Variants in EPB41L4A observed in about 807,000 individuals in gnomAD.
EPB41L4A encodes erythrocyte membrane protein band 4.1 like 4A, also known as band 4.1-like protein 4A.
EPB41L4A carries 100 observed loss-of-function variants against 108.6 expected under a neutral mutation model. That is an observed-to-expected ratio of 0.92 (90% CI 0.78 to 1.09). EPB41L4A has a LOEUF of 1.09. Ranked by LOEUF, EPB41L4A falls within the 50% of genes least tolerant of loss-of-function variation. The probability of loss-of-function intolerance (pLI) is 0.00; values close to 1 mark genes in which losing one functional copy is unlikely to be tolerated. For synonymous variants in EPB41L4A, 319 were observed against 289.0 expected, an observed-to-expected ratio of 1.10 and a Z score of -1.05; for missense variants, 1,030 against 842.7, an observed-to-expected ratio of 1.22 and a Z score of -2.75.
intron 1 of EPB41L4A, among the ~76,000 whole-genome samples, chr5:112,374,368 G>C (rs1759678445): frequency 6.6e-6 from 1 of 152,134 alleles, no homozygotes. Context: ...AGATCAAAAA[G>C]AAGAGCAAAA....
intron 1 of EPB41L4A, among the ~76,000 whole-genome samples, chr5:112,360,535 G>A (rs1031556218): frequency 6.6e-6 from 1 of 152,204 alleles, no homozygotes; most frequent in Non-Finnish European, 1.5e-5. Flanking sequence ...TCGGCCTCCC[G>A]AGGTGCCGGG....
chr5:112,156,960 C>T (rs1436263422), intron 12 of EPB41L4A, among the ~76,000 whole-genome samples: 13 of 152,032 alleles, frequency 8.6e-5, no homozygotes, highest in Admixed American at 7.9e-4. Context: ...CAGTAATAGC[C>T]AAGACTTCCC....
intron 1 of EPB41L4A, among the ~76,000 whole-genome samples, chr5:112,352,214 T>C (rs1435923245): frequency 6.6e-6 from 1 of 152,252 alleles, no homozygotes; most frequent in Non-Finnish European, 1.5e-5. Context: ...AAATACATCA[T>C]TAGGTTATAT....
intron 9 of EPB41L4A, among the ~76,000 whole-genome samples, chr5:112,258,188 A>G (rs1751242864): frequency 6.6e-6 from 1 of 152,250 alleles, no homozygotes; most frequent in Admixed American, 6.5e-5. Flanking sequence ...GAGAACAAAG[A>G]GTAGCATCAG....
intron 1 of EPB41L4A, among the ~76,000 whole-genome samples, chr5:112,376,297 T>C (rs1291742057): frequency 3.3e-5 from 5 of 152,288 alleles, no homozygotes; most frequent in African/African-American, 1.2e-4. Flanking sequence ...AATTAGCCAT[T>C]AGGGAAATGA....
chr5:112,237,413 GAC>G (rs774079943), intron 11 of EPB41L4A, among the ~76,000 whole-genome samples: 16 of 152,176 alleles, frequency 1.1e-4, no homozygotes, highest in Non-Finnish European at 2.4e-4. Flanking sequence ...TAAAATGCAA[GAC>G]AGAGTAAAGA....
chr5:112,379,767 T>C (rs974829599), intron 1 of EPB41L4A, among the ~76,000 whole-genome samples: 1 of 152,152 alleles, frequency 6.6e-6, no homozygotes, highest in Non-Finnish European at 1.5e-5. Context: ...GCACAATACA[T>C]TCCCTAGCAG....
chr5:112,275,281 A>AC, intron 4 of EPB41L4A, 45 bp downstream of exon 4: 1 of 1,500,676 alleles, frequency 6.7e-7, no homozygotes, highest in African/African-American at 1.4e-5. Flanking sequence ...AGCTTTTTGT[A>AC]TATGCAATGC....
At chr5:112,382,950 A>T (rs1760267621) in intron 1 of EPB41L4A, among the ~76,000 whole-genome samples, 1 of 152,230 alleles carries the variant, frequency 6.6e-6, no homozygotes, top group Non-Finnish European at 1.5e-5. Flanking sequence ...TGGAAAAGGA[A>T]AAATGCTTCG....
chr5:112,364,905 C>T (rs1023388732), intron 1 of EPB41L4A, among the ~76,000 whole-genome samples: 1 of 152,054 alleles, frequency 6.6e-6, no homozygotes. Context: ...ATTACATATA[C>T]CCTTATATTC....
chr5:112,231,668 C>G (rs1175293491), intron 12 of EPB41L4A, among the ~76,000 whole-genome samples: 1 of 150,858 alleles, frequency 6.6e-6, no homozygotes, highest in East Asian at 2.0e-4. Context: ...GCCTGTAGTC[C>G]CAGCTACTCG....
At chr5:112,156,370 C>T (rs1422934531) in intron 12 of EPB41L4A, among the ~76,000 whole-genome samples, 2 of 152,078 alleles carry the variant, frequency 1.3e-5, no homozygotes, top group South Asian at 2.1e-4. Context: ...CCAAGAAGGC[C>T]AGTGGTATAG....
intron 1 of EPB41L4A, among the ~76,000 whole-genome samples, chr5:112,317,170 C>T (rs1478110709): frequency 1.3e-5 from 2 of 152,132 alleles, no homozygotes. Context: ...CCTACCACAT[C>T]TTTTTTTTCT....
chr5:112,214,230 C>T (rs1475010912), intron 12 of EPB41L4A, among the ~76,000 whole-genome samples: 1 of 152,138 alleles, frequency 6.6e-6, no homozygotes, highest in Non-Finnish European at 1.5e-5. Context: ...TTATGTACCA[C>T]AGAACAGTTC....
chr5:112,307,930 A>T (rs894015917), intron 1 of EPB41L4A, among the ~76,000 whole-genome samples: 4 of 152,188 alleles, frequency 2.6e-5, no homozygotes, highest in South Asian at 4.1e-4. Flanking sequence ...TATAAAACTA[A>T]CAATAGTCAA....
chr5:112,411,743 A>C (rs771578189), intron 1 of EPB41L4A, among the ~76,000 whole-genome samples: 12 of 152,104 alleles, frequency 7.9e-5, no homozygotes, highest in Non-Finnish European at 1.5e-4. Context: ...ACCATACAGC[A>C]CTCCCATTAG....
intron 1 of EPB41L4A, among the ~76,000 whole-genome samples, chr5:112,409,560 A>C (rs1762292733): frequency 6.6e-6 from 1 of 152,216 alleles, no homozygotes; most frequent in Non-Finnish European, 1.5e-5. Context: ...TACCAAGAAC[A>C]CCTAGAAAAC....
rs143487710 is a variant in EPB41L4A, at chr5:112,198,919, A to G, written c.1377-3211T>C. Among the ~76,000 whole-genome samples the G allele has an allele frequency of 4.4e-4, 67 of 151,924 alleles. No individual in the cohort carries two copies. The East Asian group carries it at 0.012, about 28-fold the overall frequency. ...TTCCTGTGAGAATGCCCCCAACCCCACCCTACACCCCATTTGTTTGTTTTA... is the reference window on the plus strand; with the variant it reads ...TTCCTGTGAGAATGCCCCCAACCCCGCCCTACACCCCATTTGTTTGTTTTA... On this transcript the variant is annotated intron_variant, in intron 15 of 22. Transcript: ENST00000261486.
rs1035267746 is a variant in EPB41L4A, at chr5:112,370,654, C to T, written c.99+48287G>A. ...ACGAGGCCGGACACGGTGGCTCATG[C>T]CTGTATTCCCAGCACTTTGGGAGGC... On this transcript the variant is annotated intron_variant, in intron 1 of 22. Transcript: ENST00000261486. 1.2e-4 allele frequency among the ~76,000 whole-genome samples: 19 copies of T among 152,316 alleles called. No individual in the cohort carries two copies. The East Asian group carries it at 3.5e-3, about 28-fold the overall frequency.
Sources: gnomAD v4.1 joint callset for allele counts (sites outside exome capture counted in the v4.1 genomes callset) on GRCh38, gnomAD v4.1.1 for gene constraint, MANE v1.5 for transcripts, NCBI Gene and HGNC (gene_info 2026-07-23, HGNC 2026-07-21) for gene names.